Variants in SLC10A7 observed in about 807,000 individuals in gnomAD.
SLC10A7 encodes the protein solute carrier family 10 member 7.
Under a neutral mutation model 43.2 loss-of-function variants are expected in SLC10A7, and 29 were observed. The observed-to-expected ratio is 0.67, with a 90% CI of 0.50 to 0.92. The LOEUF (loss-of-function observed/expected upper bound fraction) is 0.92, where lower values mean the gene tolerates loss of function less well. Among genes scored for constraint, SLC10A7 ranks in the 40% least tolerant of loss-of-function variants. The pLI is 0.00. For missense variants in SLC10A7, 295 were observed against 403.2 expected (o/e 0.73, Z 2.30); for synonymous variants, 152 against 144.8 (o/e 1.05, Z -0.35).
chr4:146,463,816 CT>C (rs910407606), intron 4 of SLC10A7, among the ~76,000 whole-genome samples: 58 of 146,508 alleles, frequency 4.0e-4, no homozygotes, highest in Middle Eastern at 3.5e-3. Context: ...CCATTATTTC[CT>C]TTTTTTTTTC....
At chr4:146,509,162 A>T (rs1030569699) in intron 3 of SLC10A7, among the ~76,000 whole-genome samples, 2 of 152,172 alleles carry the variant, frequency 1.3e-5, no homozygotes, top group Non-Finnish European at 2.9e-5. Flanking sequence ...TATCTTGCTC[A>T]TCTACTTACT....
chr4:146,487,852 A>T (rs974721692), intron 4 of SLC10A7, among the ~76,000 whole-genome samples: 17 of 151,856 alleles, frequency 1.1e-4, no homozygotes, highest in African/African-American at 4.1e-4. Flanking sequence ...GTTTGAGCCC[A>T]GGAGTTGGAG....
intron 6 of SLC10A7, among the ~76,000 whole-genome samples, 185 bp downstream of exon 6, chr4:146,325,776 T>C (rs1458092951): frequency 6.6e-6 from 1 of 152,222 alleles, no homozygotes; most frequent in Non-Finnish European, 1.5e-5. Context: ...GATCCTGTTC[T>C]TGGATCATGA....
intron 4 of SLC10A7, among the ~76,000 whole-genome samples, chr4:146,473,879 A>G (rs72954563): frequency 7.9e-4 from 121 of 152,240 alleles, no homozygotes; most frequent in African/African-American, 2.8e-3. Context: ...GATATACTTT[A>G]TATACATTCT....
intron 5 of SLC10A7, among the ~76,000 whole-genome samples, chr4:146,344,891 CA>C: frequency 6.6e-6 from 1 of 152,192 alleles, no homozygotes; most frequent in East Asian, 1.9e-4. Flanking sequence ...GCTTTAATTT[CA>C]AATGTGATCA....
chr4:146,325,818 T>C, intron 6 of SLC10A7, 143 bp downstream of exon 6: 2 of 738,612 alleles, frequency 2.7e-6, no homozygotes, highest in South Asian at 3.6e-5. Context: ...CTGAATATTA[T>C]TATGCGGTAC....
At chr4:146,304,634 C>T (rs985131136) in intron 7 of SLC10A7, among the ~76,000 whole-genome samples, 8 of 152,128 alleles carry the variant, frequency 5.3e-5, no homozygotes, top group African/African-American at 1.9e-4. Flanking sequence ...ATAATTTCTG[C>T]TCTTTCACAT....
At chr4:146,402,303 T>C (rs1430803940) in intron 5 of SLC10A7, among the ~76,000 whole-genome samples, 1 of 152,234 alleles carries the variant, frequency 6.6e-6, no homozygotes, top group African/African-American at 2.4e-5. Context: ...GGATGTATGC[T>C]AGTCTTCTCC....
intron 5 of SLC10A7, among the ~76,000 whole-genome samples, chr4:146,338,387 G>A (rs191483286): frequency 1.6e-4 from 25 of 152,000 alleles, no homozygotes; most frequent in Middle Eastern, 3.4e-3. Context: ...TTACAGAGGA[G>A]AAAATTGAGG....
chr4:146,353,711 T>C (rs1735324157), intron 5 of SLC10A7, among the ~76,000 whole-genome samples: 1 of 60,358 alleles, frequency 1.7e-5, no homozygotes, highest in Non-Finnish European at 3.2e-5. Context: ...GCTTCATCCC[T>C]GGGATGCAAG....
intron 6 of SLC10A7, among the ~76,000 whole-genome samples, chr4:146,322,364 TC>T (rs34494809): frequency 0.16 from 16,612 of 102,486 alleles, 665 homozygotes; most frequent in South Asian, 0.17. Flanking sequence ...ATGCTATCCC[TC>T]CCCCCTCCCC....
intron 9 of SLC10A7, among the ~76,000 whole-genome samples, chr4:146,289,891 T>C (rs920093936): frequency 6.6e-6 from 1 of 150,378 alleles, no homozygotes; most frequent in East Asian, 2.0e-4. Context: ...AATTTTTGTA[T>C]TTTTAGTAGA....
At chr4:146,433,692 C>T (rs151192083) in intron 5 of SLC10A7, among the ~76,000 whole-genome samples, 7 of 151,888 alleles carry the variant, frequency 4.6e-5, no homozygotes, top group South Asian at 2.1e-4. Flanking sequence ...ATAGCGAGAT[C>T]CCATCTCTAT....
At chr4:146,304,814 T>G (rs1355035710) in intron 7 of SLC10A7, among the ~76,000 whole-genome samples, 2 of 152,158 alleles carry the variant, frequency 1.3e-5, no homozygotes, top group African/African-American at 2.4e-5. Context: ...TTGTTGACTT[T>G]CTGTCTCGTT....
At chr4:146,316,282 C>T (rs1224105881) in intron 6 of SLC10A7, among the ~76,000 whole-genome samples, 2 of 152,036 alleles carry the variant, frequency 1.3e-5, no homozygotes, top group African/African-American at 2.4e-5. Context: ...AAAGCACTCT[C>T]GGTCCATGAT....
At chr4:146,355,607 T>G (rs1003482457) in intron 5 of SLC10A7, among the ~76,000 whole-genome samples, 1 of 151,860 alleles carries the variant, frequency 6.6e-6, no homozygotes, top group African/African-American at 2.4e-5. Context: ...TATTGTGGCA[T>G]TATTCACAAT....
intron 5 of SLC10A7, among the ~76,000 whole-genome samples, chr4:146,374,661 C>CAT (rs1313401886): frequency 0.12 from 12,482 of 100,218 alleles, 751 homozygotes; most frequent in South Asian, 0.22. Flanking sequence ...CACACACACA[C>CAT]ATATATATAT....
At chr4:146,269,494 T>C (rs1728768175) in intron 10 of SLC10A7, among the ~76,000 whole-genome samples, 1 of 152,208 alleles carries the variant, frequency 6.6e-6, no homozygotes, top group African/African-American at 2.4e-5. Context: ...TGTTTAGTCT[T>C]CTAAAGAGAC....
At chr4:146,365,249 AT>A (rs1397804078) in intron 5 of SLC10A7, among the ~76,000 whole-genome samples, 1 of 152,216 alleles carries the variant, frequency 6.6e-6, no homozygotes, top group Non-Finnish European at 1.5e-5. Flanking sequence ...ACCACCTTTT[AT>A]TTATATAAAC....
Sources: gnomAD v4.1 joint callset for allele counts (sites outside exome capture counted in the v4.1 genomes callset) on GRCh38, gnomAD v4.1.1 for gene constraint, MANE v1.5 for transcripts, NCBI Gene and HGNC (gene_info 2026-07-23, HGNC 2026-07-21) for gene names.